The following KCNIP4 variants were observed in gnomAD, a reference collection of about 807,000 sequenced individuals.
The protein encoded by KCNIP4 is potassium voltage-gated channel interacting protein 4.
KCNIP4 carries 12 observed loss-of-function variants against 34.0 expected under a neutral mutation model. That is an observed-to-expected ratio of 0.35 (90% confidence interval 0.23 to 0.57). KCNIP4 has a LOEUF of 0.57. Ranked by LOEUF, KCNIP4 falls within the 20% of genes least tolerant of loss-of-function variation. The pLI is 0.83. For missense variants in KCNIP4, 238 were observed against 311.7 expected, an observed-to-expected ratio of 0.76 and a Z score of 1.78; for synonymous variants, 124 against 102.2, an observed-to-expected ratio of 1.21 and a Z score of -1.29.
At chr4:21,520,230 C>T (rs1280143692) in intron 1 of KCNIP4, among the ~76,000 whole-genome samples, 1 of 152,070 alleles carries the variant, frequency 6.6e-6, no homozygotes, top group Non-Finnish European at 1.5e-5. Flanking sequence ...CAGACACACC[C>T]AGGATCAATA....
intron 1 of KCNIP4, among the ~76,000 whole-genome samples, chr4:21,146,124 C>T (rs1370196087): frequency 6.6e-6 from 1 of 152,130 alleles, no homozygotes; most frequent in African/African-American, 2.4e-5. Flanking sequence ...CTCGGCCGGG[C>T]GCAGTGGCTC....
At chr4:20,848,428 A>C (rs543718021) in intron 3 of KCNIP4, among the ~76,000 whole-genome samples, 166 of 151,906 alleles carry the variant, frequency 1.1e-3, no homozygotes, top group African/African-American at 3.8e-3. Context: ...GGGGAAAGAA[A>C]AGAGTTTGGG....
At chr4:21,319,900 A>G (rs1344818339) in intron 1 of KCNIP4, among the ~76,000 whole-genome samples, 1 of 152,236 alleles carries the variant, frequency 6.6e-6, no homozygotes, top group Non-Finnish European at 1.5e-5. Context: ...AAAAGAAAAA[A>G]GAATAGGATA....
chr4:21,861,441 C>T (rs2109351326), intron 1 of KCNIP4, among the ~76,000 whole-genome samples: 1 of 152,254 alleles, frequency 6.6e-6, no homozygotes. Context: ...CACCTGAAGT[C>T]AGGAGTTCGA....
chr4:21,592,787 G>T (rs951159502), intron 1 of KCNIP4, among the ~76,000 whole-genome samples: 2 of 152,058 alleles, frequency 1.3e-5, no homozygotes, highest in African/African-American at 4.8e-5. Flanking sequence ...AAGAGCTAAG[G>T]TGTCATAGAG....
intron 1 of KCNIP4, among the ~76,000 whole-genome samples, chr4:20,885,702 A>G (rs560412498): frequency 6.6e-6 from 1 of 152,338 alleles, no homozygotes; most frequent in Admixed American, 6.5e-5. Context: ...AGGTTACAGT[A>G]TCTGCTTCAA....
chr4:21,089,931 C>A (rs1746838017), intron 1 of KCNIP4, among the ~76,000 whole-genome samples: 1 of 152,192 alleles, frequency 6.6e-6, no homozygotes, highest in African/African-American at 2.4e-5. Flanking sequence ...CCCTTGTTTT[C>A]TGTCTTCCTG....
At chr4:21,719,530 G>A (rs1847427) in intron 1 of KCNIP4, among the ~76,000 whole-genome samples, 13,874 of 152,158 alleles carry the variant, frequency 0.091, 666 homozygotes, top group Middle Eastern at 0.18. Context: ...AAAGTTCAAT[G>A]AATATTTGCT....
chr4:21,856,307 A>C (rs555212433), intron 1 of KCNIP4, among the ~76,000 whole-genome samples: 1 of 152,324 alleles, frequency 6.6e-6, no homozygotes, highest in East Asian at 1.9e-4. Flanking sequence ...GATAATCCCA[A>C]ATGGGGATTA....
chr4:21,772,385 C>T (rs1718859674), intron 1 of KCNIP4, among the ~76,000 whole-genome samples: 1 of 152,022 alleles, frequency 6.6e-6, no homozygotes, highest in African/African-American at 2.4e-5. Flanking sequence ...CTGATGTTTT[C>T]TTTTTTTGTT....
intron 2 of KCNIP4, among the ~76,000 whole-genome samples, chr4:20,875,402 T>G (rs1723909569): frequency 6.6e-6 from 1 of 152,190 alleles, no homozygotes; most frequent in African/African-American, 2.4e-5. Context: ...CTGTCCACCT[T>G]ACAGAGTTAT....
intron 1 of KCNIP4, among the ~76,000 whole-genome samples, chr4:21,284,738 G>A (rs1578019168): frequency 2.8e-5 from 1 of 35,116 alleles, no homozygotes; most frequent in Admixed American, 2.5e-4. Flanking sequence ...GTGCCCTTGT[G>A]TGTGTGTGTG....
chr4:21,724,690 T>A (rs898432004), intron 1 of KCNIP4, among the ~76,000 whole-genome samples: 1 of 152,094 alleles, frequency 6.6e-6, no homozygotes, highest in East Asian at 1.9e-4. Flanking sequence ...TATAATTTTA[T>A]GCTCATTTAG....
At chr4:21,788,303 G>A (rs1199541268) in intron 1 of KCNIP4, among the ~76,000 whole-genome samples, 2 of 152,114 alleles carry the variant, frequency 1.3e-5, no homozygotes, top group Admixed American at 1.3e-4. Context: ...AAAATTCTGG[G>A]ATTAAAGACT....
intron 3 of KCNIP4, among the ~76,000 whole-genome samples, chr4:20,811,246 C>T (rs146106635): frequency 7.5e-4 from 114 of 152,250 alleles, no homozygotes; most frequent in African/African-American, 2.4e-3. Context: ...GTGCTTAAAA[C>T]GTGAAAAATA....
At position 21,057,964 on chromosome 4, in the gene KCNIP4, T is replaced by C. The variant is rs75845875; in HGVS notation, c.62-175255A>G. Among the ~76,000 whole-genome samples the C allele has an allele frequency of 2.0e-4, 31 of 152,310 alleles. No homozygotes were observed. In the East Asian group the frequency reaches 5.8e-3, roughly 28 times the overall value. On this transcript the variant is annotated intron_variant, in intron 1 of 8. Coordinates refer to ENST00000382152, the MANE Select transcript of KCNIP4 (RefSeq NM_025221.6). ...AAATTTAAAGAGTTCAGGCAATGCA[T>C]GCTAGTTAAACTTATTGTGATAATA...
chr4:21,152,609 ACCCAGGAGATTTTCCCACT>A (rs1752839440), intron 1 of KCNIP4, among the ~76,000 whole-genome samples: 11 of 151,776 alleles, frequency 7.2e-5, no homozygotes, highest in Admixed American at 7.2e-4. Flanking sequence ...ACTCAGATAT[ACCCAGGAGATTTTCCCACT>A]GTCATTATTT....
Position 21,539,154 on chromosome 4 carries a change from ATC to A in KCNIP4, c.61+409415_61+409416del, listed in dbSNP as rs1185465782. The stretch of plus-strand genomic sequence containing the variant: ...CCATGCAGAACTGTGAGTCAATTAA[ATC>A]TCTTTTATTTATAAATTACCCAGTC... On this transcript the variant is annotated intron_variant, in intron 1 of 8. Transcript: ENST00000382152. Among the ~76,000 whole-genome samples the A allele has an allele frequency of 3.9e-5, 6 of 152,172 alleles. No individual in the cohort carries two copies. The East Asian group carries it at 9.6e-4, about 24-fold the overall frequency.
chr4:21,909,861 T>A (rs1038561106), intron 1 of KCNIP4, among the ~76,000 whole-genome samples: 1 of 152,038 alleles, frequency 6.6e-6, no homozygotes, highest in Admixed American at 6.6e-5. Flanking sequence ...AGCCATCAGA[T>A]AGATCTCATG....
Sources: allele counts gnomAD v4.1 joint callset (sites outside exome capture counted in the v4.1 genomes callset), GRCh38; gene constraint gnomAD v4.1.1; transcripts MANE v1.5; gene names NCBI Gene and HGNC (gene_info 2026-07-23, HGNC 2026-07-21).